PLEC: variants seen among roughly 807,000 people sequenced by gnomAD.
The protein encoded by PLEC is plectin, also known as hemidesmosomal protein 1.
PLEC carries 216 observed loss-of-function variants against 392.8 expected under a neutral mutation model. That is an observed-to-expected ratio of 0.55 (90% CI 0.49 to 0.62). PLEC has a LOEUF of 0.62. PLEC is among the 20% of genes least tolerant of loss of function. The probability of loss-of-function intolerance (pLI) is 0.00; values close to 1 mark genes in which losing one functional copy is unlikely to be tolerated. For synonymous variants in PLEC, 3,621 were observed against 2,980.6 expected, an observed-to-expected ratio of 1.21 and a Z score of -7.00; for missense variants, 6,863 against 6,563.4, an observed-to-expected ratio of 1.05 and a Z score of -1.58.
intron 1 of PLEC, among the ~76,000 whole-genome samples, chr8:143,959,838 T>C (rs1554740279): frequency 6.7e-6 from 1 of 149,738 alleles, no homozygotes; most frequent in Admixed American, 6.7e-5. Context: ...CTACTAAAAA[T>C]ACAAAATATT....
At position 143,917,061 on chromosome 8, in the gene PLEC, A is replaced by C. The variant is rs1820805495; in HGVS notation, c.12760T>G (p.Ser4254Ala). The change falls in exon 32 of 32, where the codon TCC becomes GCC. Residue 4254 changes from serine (S) to alanine (A), a missense_variant. Coordinates refer to ENST00000345136, the MANE Select transcript of PLEC (RefSeq NM_201384.3). Reference protein sequence around the residue: ...RSRSSSVGSSSSYPISPAVSR... With the variant: ...RSRSSSVGSSASYPISPAVSR... ...ACGGCGGGGCTGATGGGGTAGGAGG[A>C]GGAGGATCCCACCGAGGAGGAACGG... 3 of 1,607,292 alleles carry C rather than the reference A, an allele frequency of 1.9e-6. No homozygotes were observed. Among genetic ancestry groups the C allele is most frequent in the African/African-American group, 2.7e-5 (2 of 74,732 alleles).
chr8:143,963,809 ATT>A (rs1190132489), intron 1 of PLEC, among the ~76,000 whole-genome samples: 366 of 119,898 alleles, frequency 3.1e-3, no homozygotes, highest in African/African-American at 0.01. Flanking sequence ...CACCTGGCTA[ATT>A]TTTTTTTTTT....
At chr8:143,952,079 C>T (rs1832212638), upstream of PLEC, among the ~76,000 whole-genome samples, 2 of 152,126 alleles carry the variant, frequency 1.3e-5, no homozygotes, top group Admixed American at 1.3e-4. Flanking sequence ...AGGGGGGATC[C>T]CGAGGTGGGA....
upstream of PLEC, among the ~76,000 whole-genome samples, chr8:143,942,739 C>T (rs374488098): frequency 7.9e-5 from 12 of 152,380 alleles, 1 homozygote; most frequent in African/African-American, 2.9e-4. Flanking sequence ...GCGCCCCAAC[C>T]CACGGGCCGG....
upstream of PLEC, among the ~76,000 whole-genome samples, chr8:143,952,208 ACGCGCGCACACACGCACGCG>A (rs1276900514): frequency 8.4e-5 from 11 of 130,886 alleles, no homozygotes; most frequent in African/African-American, 1.7e-4. Flanking sequence ...ACACACACAC[ACGCGCGCACACACGCACGCG>A]CACGCGCACG....
rs1833293758 is a variant in PLEC, at chr8:143,969,332, C to T, written c.70+4071G>A. On this transcript the variant is annotated intron_variant, in intron 1 of 31. Transcript: ENST00000356346. The surrounding 1 kb of genome is among the most constrained non-coding windows in gnomAD (Gnocchi z 5.1). The stretch of plus-strand genomic sequence containing the variant: ...CCCCCCATTCTCCCTGTCCCCCATC[C>T]AGGGCAGATTCCTCTGGGGCTGAGG... Among the ~76,000 whole-genome samples, 1 of 152,224 alleles carries T rather than the reference C, an allele frequency of 6.6e-6. No individual in the cohort carries two copies. Among genetic ancestry groups the T allele is most frequent in the African/African-American group, 2.4e-5 (1 of 41,448 alleles).
At chr8:143,947,618 C>T (rs1554733049) in intron 1 of PLEC, among the ~76,000 whole-genome samples, 2 of 151,776 alleles carry the variant, frequency 1.3e-5, no homozygotes, top group Admixed American at 1.3e-4. Flanking sequence ...GGCATGGTGG[C>T]TCATGCCTGT....
chr8:143,943,212 C>G (rs1480717830), upstream of PLEC, among the ~76,000 whole-genome samples: 14 of 152,254 alleles, frequency 9.2e-5, no homozygotes, highest in Admixed American at 9.2e-4. Context: ...GGCAGTCCCT[C>G]TGGCCAGAAG....
upstream of PLEC, among the ~76,000 whole-genome samples, chr8:143,953,473 C>T (rs1323798142): frequency 1.3e-5 from 2 of 151,992 alleles, no homozygotes; most frequent in Non-Finnish European, 2.9e-5. Context: ...GCCGCCGCCG[C>T]CGCTGCAGCA....
chr8:143,973,488 G>A lies in PLEC; in HGVS notation c.-16C>T. Reference sequence around the variant, plus strand: ...GGCCGGCCATGCCGGCGGGCGCGGGGCGCGGGGTGCAGCGGAGCCTCCAGC... The same window carrying A: ...GGCCGGCCATGCCGGCGGGCGCGGGACGCGGGGTGCAGCGGAGCCTCCAGC... On this transcript the variant is annotated 5_prime_UTR_variant, in exon 1 of 32. Transcript: ENST00000356346. The surrounding 1 kb of genome is among the most constrained non-coding windows in gnomAD (Gnocchi z 5.6). The A allele has an allele frequency of 1.3e-6, 2 of 1,502,870 alleles. No homozygotes were observed. Among genetic ancestry groups the A allele is most frequent in the Non-Finnish European group, 1.8e-6 (2 of 1,124,830 alleles). 93.1% of individuals were successfully genotyped at this position (1,502,870 alleles called of 1,614,324 possible).
At chr8:143,952,991 A>ACC (rs782052155), upstream of PLEC, among the ~76,000 whole-genome samples, 7 of 28,298 alleles carry the variant, frequency 2.5e-4, no homozygotes, top group African/African-American at 7.7e-4. Flanking sequence ...GGCATGCGCC[A>ACC]CCCCCCCCCG....
At position 143,924,293 on chromosome 8, in the gene PLEC, C is replaced by A. The variant is rs781997724; in HGVS notation, c.5636G>T (p.Arg1879Leu). The A allele has an allele frequency of 2.5e-6, 4 of 1,594,638 alleles. No homozygotes were observed. In the East Asian group the frequency reaches 6.7e-5, roughly 27 times the overall value. Residue 1879 changes from arginine to leucine, a missense_variant, in exon 31 of 32, where the codon CGG becomes CTG. Physicochemically the swap from Arg to Leu is moderately radical, Grantham distance 102. Coordinates refer to ENST00000345136, the MANE Select transcript of PLEC (RefSeq NM_201384.3). The stretch of plus-strand genomic sequence containing the variant: ...GTGTTGCGCGGCCTGCTCCTCCAGC[C>A]GCCGCCGCTGGAAGGCCTCGTCCTC... ...LAEDEAFQRR[R>L]LEEQAAQHKA...
At position 143,919,704 on chromosome 8, in the gene PLEC, C is replaced by T. The variant is rs782355184; in HGVS notation, c.10117G>A (p.Glu3373Lys). Reference sequence around the variant, plus strand: ...CTCAGCAGGCCCCGGCGCATGGCCTCGTAGATGGACACCTTCTCCTTGGTG... The same window carrying T: ...CTCAGCAGGCCCCGGCGCATGGCCTTGTAGATGGACACCTTCTCCTTGGTG... ...EDTKEKVSIYEAMRRGLLRAT... is the reference protein window; with the variant it reads ...EDTKEKVSIYKAMRRGLLRAT... Residue 3373 changes from glutamate to lysine, a missense_variant, in exon 32 of 32, where the codon GAG (glutamate) becomes AAG (lysine). Transcript: ENST00000345136. 1.9e-5 allele frequency: 31 copies of T among 1,604,340 alleles called. No homozygotes were observed. Among genetic ancestry groups the T allele is most frequent in the South Asian group, 1.6e-4 (15 of 90,938 alleles).
rs1820302916 is a variant in PLEC at position 143,915,581 on chromosome 8, AG to A, written c.*595del. ...GAGGCCGACATGGAAGGCACTTACTAGGGGAACAGAGGCTGGAGGCTGACGC... is the reference window on the plus strand; with the variant it reads ...GAGGCCGACATGGAAGGCACTTACTAGGGAACAGAGGCTGGAGGCTGACGC... On this transcript the variant is annotated 3_prime_UTR_variant, in exon 32 of 32. Coordinates refer to ENST00000345136, the MANE Select transcript of PLEC (RefSeq NM_201384.3). The A allele has an allele frequency of 3.3e-5, 5 of 152,602 alleles. No homozygotes were observed. Among genetic ancestry groups the A allele is most frequent in the Admixed American group, 3.3e-4 (5 of 15,282 alleles). 9.5% of individuals were successfully genotyped at this position (152,602 alleles called of 1,614,324 possible). A position where few individuals can be genotyped will look rare whatever the true frequency, so the allele number is the denominator to read the frequency against.
At chr8:143,941,022 G>A (rs1830362551), upstream of PLEC, among the ~76,000 whole-genome samples, 1 of 152,222 alleles carries the variant, frequency 6.6e-6, no homozygotes, top group Non-Finnish European at 1.5e-5. Context: ...CCCCGCACTG[G>A]TCAGCACCTC....
At chr8:143,930,589 C>A (rs1826948748) in intron 19 of PLEC, 53 bp from the exon 20 acceptor site, 1 of 1,537,502 alleles carries the variant, frequency 6.5e-7, no homozygotes, top group South Asian at 1.2e-5. Flanking sequence ...CACAGGCCTG[C>A]CCCAGGCACC....
Position 143,921,676 on chromosome 8 carries a change from G to A in PLEC, c.8145C>T (p.Ala2715=). 4 of 1,613,186 alleles carry A rather than the reference G, an allele frequency of 2.5e-6. No homozygotes were observed. Among genetic ancestry groups the A allele is most frequent in the Non-Finnish European group, 3.4e-6 (4 of 1,179,930 alleles). ...CGGGACTCAGCAGCTGCCTCTGCAG[G>A]GCGGCGTAAACACTCAGCTTCTCAT... ...ATNEKLSVYA[A]LQRQLLSPGT... Residue 2715 remains alanine (A), a synonymous_variant, in exon 32 of 32, where the codon GCC becomes GCT. Transcript: ENST00000345136.
At chr8:143,928,988 G>A (rs979225511) in intron 25 of PLEC, 115 bp downstream of exon 25, 17 of 970,186 alleles carry the variant, frequency 1.8e-5, no homozygotes, top group Non-Finnish European at 2.5e-5. Context: ...CTCCTGGCCA[G>A]ATCTCTGAAC....
chr8:143,932,044 C>G lies in PLEC; in HGVS notation c.2083-12G>C, dbSNP rs782643065. 1 of 1,579,942 alleles carries G rather than the reference C, an allele frequency of 6.3e-7. No homozygotes were observed. The highest frequency in any genetic ancestry group is 8.6e-7 in the Non-Finnish European group (1 of 1,162,924). On this transcript the variant is annotated splice_polypyrimidine_tract_variant and intron_variant, in intron 17 of 31. Transcript: ENST00000345136. ...GCCGCCTGGAAGGACTGCGGGACAG[C>G]AGGTCCCGGTCAGGCCCCGCCCCGC...
Sources: allele counts gnomAD v4.1 joint callset (sites outside exome capture counted in the v4.1 genomes callset), GRCh38; gene constraint gnomAD v4.1.1; non-coding constraint Gnocchi (gnomAD v3.1); transcripts MANE v1.5; gene names NCBI Gene and HGNC (gene_info 2026-07-23, HGNC 2026-07-21).